DDX21: variants seen among roughly 807,000 people sequenced by gnomAD.
The protein encoded by DDX21 is nucleolar RNA helicase 2.
A neutral mutation model predicts 90.0 loss-of-function variants in DDX21; 18 were observed. The ratio of observed to expected loss-of-function variants is 0.20; its 90% CI spans 0.14 to 0.30. The LOEUF is 0.30. Among genes scored for constraint, DDX21 ranks in the 10% least tolerant of loss-of-function variants. The pLI is 1.00. For missense variants in DDX21, 673 were observed against 944.5 expected, an observed-to-expected ratio of 0.71 and a Z score of 3.77; for synonymous variants, 294 against 318.0, an observed-to-expected ratio of 0.92 and a Z score of 0.80.
At chr10:68,956,506 C>T (rs1419043265) in intron 1 of DDX21, 194 bp downstream of exon 1, 3 of 1,434,200 alleles carry the variant, frequency 2.1e-6, no homozygotes, top group African/African-American at 2.9e-5. Flanking sequence ...GTTTGCCCGA[C>T]CGAGCCAGGT....
At chr10:68,981,686 A>C in intron 14 of DDX21, 105 bp downstream of exon 14, 2 of 1,015,924 alleles carry the variant, frequency 2.0e-6, no homozygotes, top group East Asian at 5.0e-5. Context: ...TGGTTCCTTT[A>C]GTAAGAGATA....
intron 13 of DDX21, among the ~76,000 whole-genome samples, chr10:68,979,365 T>C (rs998860243): frequency 2.6e-5 from 4 of 152,226 alleles, no homozygotes; most frequent in African/African-American, 9.6e-5. Flanking sequence ...TTCTGAGGCC[T>C]TCTCTTTGTT....
intron 11 of DDX21, among the ~76,000 whole-genome samples, chr10:68,977,140 G>A (rs1179601238): frequency 6.6e-6 from 1 of 151,916 alleles, no homozygotes; most frequent in East Asian, 1.9e-4. Flanking sequence ...CATGCTTCTT[G>A]TATAAAAACT....
chr10:68,974,823 C>A, intron 11 of DDX21, 80 bp downstream of exon 11: 1 of 1,351,480 alleles, frequency 7.4e-7, no homozygotes. Context: ...TAAGATTTGA[C>A]TTAAAAAAAT....
In DDX21 at chr10:68,984,727, A is replaced by T. The variant is rs547581906; in HGVS notation, c.*1915A>T. The T allele has an allele frequency of 6.6e-6, 1 of 152,366 alleles. No homozygotes were observed. Among genetic ancestry groups the T allele is most frequent in the African/African-American group, 2.4e-5 (1 of 41,592 alleles). The allele number at this position is 152,366 out of a possible 1,614,324, so 9.4% of individuals were successfully genotyped here. Reference sequence around the variant, plus strand: ...TTAGCCTAAAGAAAAATAATCTGGCATAAATTAAGAGTAAGAGAGAAGATT... The same window carrying T: ...TTAGCCTAAAGAAAAATAATCTGGCTTAAATTAAGAGTAAGAGAGAAGATT... On this transcript the variant is annotated 3_prime_UTR_variant, in exon 15 of 15. Coordinates refer to ENST00000354185, the MANE Select transcript of DDX21 (RefSeq NM_004728.4).
At chr10:68,976,291 ATT>A (rs201101708) in intron 11 of DDX21, among the ~76,000 whole-genome samples, 5 of 142,970 alleles carry the variant, frequency 3.5e-5, no homozygotes, top group Admixed American at 7.0e-5. Context: ...GGATGAGTGT[ATT>A]TTTTTTTTTT....
chr10:68,974,810 T>A, intron 11 of DDX21, 67 bp downstream of exon 11: 1 of 1,420,556 alleles, frequency 7.0e-7, no homozygotes, highest in Non-Finnish European at 9.7e-7. Context: ...CTTTGTACAG[T>A]AATAAGATTT....
intron 4 of DDX21, among the ~76,000 whole-genome samples, chr10:68,964,587 C>T (rs1842916543): frequency 6.6e-6 from 1 of 150,762 alleles, no homozygotes; most frequent in Non-Finnish European, 1.5e-5. Context: ...GTCTGGAACT[C>T]CTGACGTCAA....
Position 68,982,562 on chromosome 10 carries a change from G to C in DDX21, c.2102G>C (p.Arg701Pro). 1.2e-6 allele frequency: 2 copies of C among 1,609,806 alleles called. No individual in the cohort carries two copies. Among genetic ancestry groups the C allele is most frequent in the Non-Finnish European group, 1.7e-6 (2 of 1,176,346 alleles). ...CAACAGGAGAAATGGCATGATTCACGACGCTGGCAGCTCTCTGTGGCCACA... is the reference window on the plus strand; with the variant it reads ...CAACAGGAGAAATGGCATGATTCACCACGCTGGCAGCTCTCTGTGGCCACA... ...TEIQEKWHDSRRWQLSVATEQ... is the reference protein window; with the variant it reads ...TEIQEKWHDSPRWQLSVATEQ... Residue 701 changes from arginine to proline, a missense_variant, in exon 15 of 15, where the codon CGA (arginine) becomes CCA (proline). Arg to Pro is a moderately radical substitution (Grantham distance 103, BLOSUM62 -2). This residue lies in a region of DDX21 where 225 missense variants were observed against 298.8 expected (regional missense o/e 0.75). Transcript: ENST00000354185.
rs1843237336 is a variant in DDX21, at chr10:68,984,313, C to G, written c.*1501C>G. On this transcript the variant is annotated 3_prime_UTR_variant, in exon 15 of 15. Coordinates refer to ENST00000354185, the MANE Select transcript of DDX21 (RefSeq NM_004728.4). ...TATCTCTAACTGCCCCTTATTTGATCACCATGTACTAGGAGCTCTGATAGC... is the reference window on the plus strand; with the variant it reads ...TATCTCTAACTGCCCCTTATTTGATGACCATGTACTAGGAGCTCTGATAGC... 6.6e-6 allele frequency: 1 copy of G among 152,196 alleles called. No homozygotes were observed. Among genetic ancestry groups the G allele is most frequent in the East Asian group, 1.9e-4 (1 of 5,192 alleles). The allele number at this position is 152,196 out of a possible 1,614,324, so 9.4% of individuals were successfully genotyped here. A position where few individuals can be genotyped will look rare whatever the true frequency, so the allele number is the denominator to read the frequency against.
At chr10:68,961,548 A>T (rs1842872223) in intron 2 of DDX21, among the ~76,000 whole-genome samples, 1 of 152,136 alleles carries the variant, frequency 6.6e-6, no homozygotes, top group African/African-American at 2.4e-5. Flanking sequence ...CTAGCTAAGC[A>T]TTTTCCTCGT....
At chr10:68,964,411 A>G (rs1406984826) in intron 4 of DDX21, among the ~76,000 whole-genome samples, 2 of 152,136 alleles carry the variant, frequency 1.3e-5, no homozygotes, top group African/African-American at 4.8e-5. Flanking sequence ...GTGTTCTTGA[A>G]TCATATTAGT....
rs149084501 is a variant in DDX21, at chr10:68,957,185, G to T, written c.87+873G>T. On this transcript the variant is annotated intron_variant, in intron 1 of 14. Transcript: ENST00000354185. ...TTTGTTTTCCGGTAAGCCGCCCTGA[G>T]AAGATGACGTAATTCAGTTATTACG... Among the ~76,000 whole-genome samples the T allele has an allele frequency of 2.3e-3, 349 of 152,288 alleles. 1 individual carries two copies. The highest frequency in any genetic ancestry group is 8.0e-3 in the African/African-American group (333 of 41,542).
rs1449342693 is a variant in DDX21, at chr10:68,975,708, T to C, written c.1742+965T>C. Among the ~76,000 whole-genome samples, 7 of 151,920 alleles carry C rather than the reference T, an allele frequency of 4.6e-5. No individual in the cohort carries two copies. In the East Asian group the frequency reaches 1.4e-3, roughly 29 times the overall value. ...ATCCCAGCACTTTGGGAGGCTGGGG[T>C]AGGCGGATTGCCTGGGCAACACGGT... On this transcript the variant is annotated intron_variant, in intron 11 of 14. Transcript: ENST00000354185.
rs751755599 is a variant in DDX21, at chr10:68,963,483, A to G, written c.786+14A>G. 12 of 1,597,816 alleles carry G rather than the reference A, an allele frequency of 7.5e-6. No homozygotes were observed. Among genetic ancestry groups the G allele is most frequent in the Non-Finnish European group, 1.0e-5 (12 of 1,172,984 alleles). The stretch of plus-strand genomic sequence containing the variant: ...CGTGCCCCTCAGGTAACTGTCTTAA[A>G]TACAAGGGCTCTCAGTCAGCATAGG... On this transcript the variant is annotated intron_variant, in intron 4 of 14. Transcript: ENST00000354185.
rs1435083563 is a variant in DDX21 at position 68,974,715 on chromosome 10, A to G, written c.1714A>G (p.Ile572Val). ...AGGTGTTCCTTCTGCAACAGAAATA[A>G]TAAAAGCTTCCAGCAAAGATGCCAT... ...RIGVPSATEIIKASSKDAIRL... is the reference protein window; with the variant it reads ...RIGVPSATEIVKASSKDAIRL... The change falls in exon 11 of 15, where the codon ATA becomes GTA. Residue 572 changes from isoleucine to valine, a missense_variant. Transcript: ENST00000354185. 6 of 1,614,012 alleles carry G rather than the reference A, an allele frequency of 3.7e-6. No individual in the cohort carries two copies. Among genetic ancestry groups the G allele is most frequent in the Non-Finnish European group, 4.2e-6 (5 of 1,179,984 alleles).
intron 11 of DDX21, among the ~76,000 whole-genome samples, chr10:68,975,377 T>G (rs1843084811): frequency 6.6e-6 from 1 of 152,202 alleles, no homozygotes. Flanking sequence ...GATATTTAGC[T>G]GCTTAGGATC....
intron 1 of DDX21, chr10:68,956,540 C>G: frequency 7.2e-7 from 1 of 1,393,196 alleles, no homozygotes; most frequent in Non-Finnish European, 9.4e-7. Context: ...ACCTCTTCCT[C>G]TGAGCTTATA....
At chr10:68,974,312 A>G (rs1421943200) in intron 10 of DDX21, among the ~76,000 whole-genome samples, 1 of 152,188 alleles carries the variant, frequency 6.6e-6, no homozygotes, top group Non-Finnish European at 1.5e-5. Context: ...GACAACCTCA[A>G]ACTGAGGGAC....
Sources: allele counts gnomAD v4.1 joint callset (sites outside exome capture counted in the v4.1 genomes callset), GRCh38; gene constraint gnomAD v4.1.1; regional missense constraint gnomAD v4.1.1; transcripts MANE v1.5; gene names NCBI Gene and HGNC (gene_info 2026-07-23, HGNC 2026-07-21).